SLC35E3: variants seen among roughly 807,000 people sequenced by gnomAD.
SLC35E3 encodes the protein solute carrier family 35 member E3, also known as bladder cancer-overexpressed gene 1 protein.
A neutral mutation model predicts 30.8 loss-of-function variants in SLC35E3; 28 were observed. That is an observed-to-expected ratio of 0.91 (90% CI 0.67 to 1.25). The LOEUF (loss-of-function observed/expected upper bound fraction) is 1.25. SLC35E3 is among the 50% of genes most tolerant of loss of function. The pLI, the probability that SLC35E3 is intolerant of heterozygous loss-of-function variation, is 0.00. For missense variants in SLC35E3, 365 were observed against 375.4 expected (o/e 0.97, Z 0.23); for synonymous variants, 146 against 149.2 (o/e 0.98, Z 0.16).
Position 68,769,033 on chromosome 12 carries a change from G to C in SLC35E3, c.*4143G>C, listed in dbSNP as rs1017524031. 1 of 152,038 alleles carries C rather than the reference G, an allele frequency of 6.6e-6. No homozygotes were observed. The highest frequency in any genetic ancestry group is 6.6e-5 in the Admixed American group (1 of 15,242). The allele number at this position is 152,038 out of a possible 1,614,324, so 9.4% of individuals were successfully genotyped here. A position where few individuals can be genotyped will look rare whatever the true frequency, so the allele number is the denominator to read the frequency against. ...GAGGTGGGCAGATCACCTGAGGTCAGGAGTTCAAGACCAGCCTGGCCAATA... is the reference window on the plus strand; with the variant it reads ...GAGGTGGGCAGATCACCTGAGGTCACGAGTTCAAGACCAGCCTGGCCAATA... On this transcript the variant is annotated 3_prime_UTR_variant, in exon 5 of 5. Transcript: ENST00000398004.
intron 3 of SLC35E3, among the ~76,000 whole-genome samples, chr12:68,757,802 A>C (rs1181446652): frequency 6.6e-6 from 1 of 152,236 alleles, no homozygotes; most frequent in African/African-American, 2.4e-5. Flanking sequence ...AAGAATAAAA[A>C]TGAGGCCAGG....
chr12:68,751,772 A>G (rs911070214), intron 2 of SLC35E3, among the ~76,000 whole-genome samples: 10 of 152,230 alleles, frequency 6.6e-5, no homozygotes, highest in African/African-American at 2.4e-4. Flanking sequence ...AGAAGGAAAT[A>G]GAGGACTTTT....
Position 68,764,796 on chromosome 12 carries a change from G to C in SLC35E3, c.848G>C (p.Gly283Ala). 1 of 1,613,984 alleles carries C rather than the reference G, an allele frequency of 6.2e-7. No individual in the cohort carries two copies. The highest frequency in any genetic ancestry group is 8.5e-7 in the Non-Finnish European group (1 of 1,179,970). Residue 283 changes from glycine (G) to alanine (A), a missense_variant, in exon 5 of 5, where the codon GGC becomes GCC. By Grantham distance (60) the Gly-to-Ala change is moderately conservative. Coordinates refer to ENST00000398004, the MANE Select transcript of SLC35E3 (RefSeq NM_018656.5). Reference protein sequence around the residue: ...KDPLSINQALGILCTLFGILA... With the variant: ...KDPLSINQALAILCTLFGILA... ...CCACTGTCCATTAATCAGGCCCTTG[G>C]CATTTTATGTACATTATTTGGCATT... is the stretch of plus-strand genomic sequence containing the variant.
At chr12:68,759,056 G>T (rs1463336324) in intron 3 of SLC35E3, 101 bp from the exon 4 acceptor site, 1 of 896,724 alleles carries the variant, frequency 1.1e-6, no homozygotes, top group East Asian at 2.5e-5. Flanking sequence ...TTTATTAATG[G>T]TTGATATTTG....
chr12:68,750,767 C>A (rs1049605852), intron 2 of SLC35E3, among the ~76,000 whole-genome samples: 2 of 152,214 alleles, frequency 1.3e-5, no homozygotes, highest in Non-Finnish European at 2.9e-5. Context: ...AGAATCAGTT[C>A]TTTGTCCTTC....
chr12:68,746,617 G>C lies in SLC35E3; in HGVS notation c.240G>C (p.Leu80=). Residue 80 remains leucine (L), a synonymous_variant, in exon 1 of 5, where the codon CTG becomes CTC. Coordinates refer to ENST00000398004, the MANE Select transcript of SLC35E3 (RefSeq NM_018656.5). Reference sequence around the variant, plus strand: ...TGCCGCCCTCCAGGCTCCTCCTCCTGGCCCTCAGCTTCTGTGGCTTTGTGG... The same window carrying C: ...TGCCGCCCTCCAGGCTCCTCCTCCTCGCCCTCAGCTTCTGTGGCTTTGTGG... ...KSLPPSRLLL[L]ALSFCGFVVF... The C allele has an allele frequency of 6.2e-7, 1 of 1,614,176 alleles. No homozygotes were observed. The highest frequency in any genetic ancestry group is 1.1e-5 in the South Asian group (1 of 91,076).
intron 3 of SLC35E3, among the ~76,000 whole-genome samples, chr12:68,756,463 A>ATTTTTTT: frequency 6.6e-6 from 1 of 151,290 alleles, no homozygotes. Flanking sequence ...TTTCCATATG[A>ATTTTTTT]AGCCAGCATT....
rs1712493269 is a variant in SLC35E3, at chr12:68,777,043, GCACTAT to G, written c.*12157_*12162del. 1 of 152,082 alleles carries G rather than the reference GCACTAT, an allele frequency of 6.6e-6. No homozygotes were observed. Among genetic ancestry groups the G allele is most frequent in the Non-Finnish European group, 1.5e-5 (1 of 68,060 alleles). 9.4% of individuals were successfully genotyped at this position (152,082 alleles called of 1,614,324 possible). On this transcript the variant is annotated 3_prime_UTR_variant, in exon 5 of 5. Transcript: ENST00000398004. The stretch of plus-strand genomic sequence containing the variant: ...CAATTTGATTCAGCAGATCAAGAAA[GCACTAT>G]CACCAATGGTCGCAAGGTCATGCTT...
In SLC35E3 at chr12:68,779,417, A is replaced by G. The variant is rs886969381; in HGVS notation, c.*14527A>G. Reference sequence around the variant, plus strand: ...ATAGTGAGTCATTAGATTTCAAAATATTGGTATTGAACCAGATGGTCTTGT... The same window carrying G: ...ATAGTGAGTCATTAGATTTCAAAATGTTGGTATTGAACCAGATGGTCTTGT... On this transcript the variant is annotated 3_prime_UTR_variant, in exon 5 of 5. Transcript: ENST00000398004. 2.6e-5 allele frequency: 4 copies of G among 152,234 alleles called. No individual in the cohort carries two copies. Among genetic ancestry groups the G allele is most frequent in the Non-Finnish European group, 5.9e-5 (4 of 68,040 alleles). The allele number at this position is 152,234 out of a possible 1,614,324, so 9.4% of individuals were successfully genotyped here.
rs1376391245 is a variant in SLC35E3, at chr12:68,781,108, T to C, written c.*16218T>C. ...GGAAGAAAAATTCAGGATGAGTTTA[T>C]TGAGAGCATTATTTTTGAAAGTATA... On this transcript the variant is annotated 3_prime_UTR_variant, in exon 5 of 5. Transcript: ENST00000398004. The C allele has an allele frequency of 7.8e-6, 1 of 128,150 alleles. No individual in the cohort carries two copies. The highest frequency in any genetic ancestry group is 5.2e-5 in the African/African-American group (1 of 19,080). The allele number at this position is 128,150 out of a possible 1,614,324, so 7.9% of individuals were successfully genotyped here.
rs1357655923 is a variant in SLC35E3 at position 68,770,842 on chromosome 12, C to CA, written c.*5958dup. 4.5e-5 allele frequency: 7 copies of CA among 154,336 alleles called. No homozygotes were observed. Among genetic ancestry groups the CA allele is most frequent in the African/African-American group, 1.5e-4 (6 of 40,928 alleles). The allele number at this position is 154,336 out of a possible 1,614,324, so 9.6% of individuals were successfully genotyped here. ...GAGTGAGTCCCTGTCTCAACAACAA[C>CA]AAAAAATCACACATGTCTGATTTGC... On this transcript the variant is annotated 3_prime_UTR_variant, in exon 5 of 5. Coordinates refer to ENST00000398004, the MANE Select transcript of SLC35E3 (RefSeq NM_018656.5).
At position 68,778,035 on chromosome 12, in the gene SLC35E3, C is replaced by T. The variant is rs527255802; in HGVS notation, c.*13145C>T. ...CGGGAGGCTGAGGTGGGAGGATCAC[C>T]CAAGCCCAGGGAGGTCGAGGCTGCA... is the stretch of plus-strand genomic sequence containing the variant. On this transcript the variant is annotated 3_prime_UTR_variant, in exon 5 of 5. Transcript: ENST00000398004. 3 of 151,902 alleles carry T rather than the reference C, an allele frequency of 2.0e-5. No homozygotes were observed. The highest frequency in any genetic ancestry group is 2.9e-5 in the Non-Finnish European group (2 of 67,920). 9.4% of individuals were successfully genotyped at this position (151,902 alleles called of 1,614,324 possible). A position where few individuals can be genotyped will look rare whatever the true frequency, so the allele number is the denominator to read the frequency against.
intron 3 of SLC35E3, among the ~76,000 whole-genome samples, chr12:68,758,729 CTTTTTTTTTTTTTTTTTTTT>C (rs776771224): frequency 1.4e-4 from 7 of 48,420 alleles, no homozygotes; most frequent in Non-Finnish European, 2.1e-4. Context: ...AATTCTCTTT[CTTTTTTTTTTTTTTTTTTTT>C]TTTTTTTTTT....
At position 68,756,440 on chromosome 12, in the gene SLC35E3, CTT is replaced by C. The variant is rs61603177; in HGVS notation, c.673-2703_673-2702del. On this transcript the variant is annotated intron_variant, in intron 3 of 4. Transcript: ENST00000398004. ...AAAGTAGAGGATTGTGTCAACTCAA[CTT>C]TTTTTTTTTTTTTCCATATGAAGCC... Among the ~76,000 whole-genome samples the C allele has an allele frequency of 7.2e-3, 1,035 of 143,848 alleles. 11 individuals carry two copies. The highest frequency in any genetic ancestry group is 9.0e-3 in the Non-Finnish European group (591 of 65,654). The allele number at this position is 143,848 out of a possible 152,430, so 94.4% of individuals were successfully genotyped here.
Position 68,779,081 on chromosome 12 carries a change from G to C in SLC35E3, c.*14191G>C, listed in dbSNP as rs1476753842. 1 of 152,340 alleles carries C rather than the reference G, an allele frequency of 6.6e-6. No homozygotes were observed. Among genetic ancestry groups the C allele is most frequent in the African/African-American group, 2.4e-5 (1 of 41,428 alleles). The allele number at this position is 152,340 out of a possible 1,614,324, so 9.4% of individuals were successfully genotyped here. A position where few individuals can be genotyped will look rare whatever the true frequency, so the allele number is the denominator to read the frequency against. On this transcript the variant is annotated 3_prime_UTR_variant, in exon 5 of 5. Transcript: ENST00000398004. Reference sequence around the variant, plus strand: ...TGCACTCCAGACTGCATTCCAGCCTGGGCGACAGAACAAGACTCTGTCTCA... The same window carrying C: ...TGCACTCCAGACTGCATTCCAGCCTCGGCGACAGAACAAGACTCTGTCTCA...
Position 68,759,237 on chromosome 12 carries a change from C to T in SLC35E3, c.753C>T (p.Val251=). The T allele has an allele frequency of 6.2e-7, 1 of 1,607,078 alleles. No individual in the cohort carries two copies. The highest frequency in any genetic ancestry group is 8.5e-7 in the Non-Finnish European group (1 of 1,175,034). ...IYWIIGNTSP[V]TYNMFGHFKF... ...GGATCATTGGGAACACTTCACCTGT[C>T]ACGTATCCTTTTCATATAACTTAGA... The change falls in exon 4 of 5, where the codon GTC becomes GTT. Residue 251 remains valine (V), a splice_region_variant and synonymous_variant. Coordinates refer to ENST00000398004, the MANE Select transcript of SLC35E3 (RefSeq NM_018656.5).
At chr12:68,764,562 A>T in intron 4 of SLC35E3, 142 bp from the exon 5 acceptor site, 1 of 555,966 alleles carries the variant, frequency 1.8e-6, no homozygotes, top group Non-Finnish European at 2.9e-6. Flanking sequence ...TGCTGGGATT[A>T]CAGGCATGAT....
Position 68,777,082 on chromosome 12 carries a change from G to A in SLC35E3, c.*12192G>A, listed in dbSNP as rs956171696. Reference sequence around the variant, plus strand: ...GGTCGCAAGGTCATGCTTAAGTCTTGGAACTGGCCATCAGTGTGAAAGTTC... The same window carrying A: ...GGTCGCAAGGTCATGCTTAAGTCTTAGAACTGGCCATCAGTGTGAAAGTTC... On this transcript the variant is annotated 3_prime_UTR_variant, in exon 5 of 5. Coordinates refer to ENST00000398004, the MANE Select transcript of SLC35E3 (RefSeq NM_018656.5). The A allele has an allele frequency of 2.0e-5, 3 of 152,106 alleles. No homozygotes were observed. Among genetic ancestry groups the A allele is most frequent in the Non-Finnish European group, 4.4e-5 (3 of 68,036 alleles). 9.4% of individuals were successfully genotyped at this position (152,106 alleles called of 1,614,324 possible). A position where few individuals can be genotyped will look rare whatever the true frequency, so the allele number is the denominator to read the frequency against.
intron 1 of SLC35E3, 24 bp downstream of exon 1, chr12:68,746,803 G>A: frequency 6.5e-7 from 1 of 1,540,788 alleles, no homozygotes; most frequent in Non-Finnish European, 8.8e-7. Context: ...GCTTCCCAAG[G>A]CGCCGCTCTC....
Sources: allele counts gnomAD v4.1 joint callset (sites outside exome capture counted in the v4.1 genomes callset), GRCh38; gene constraint gnomAD v4.1.1; transcripts MANE v1.5; gene names NCBI Gene and HGNC (gene_info 2026-07-23, HGNC 2026-07-21).